Variants in OR1B1 observed in about 807,000 individuals in gnomAD.
The protein encoded by OR1B1 is olfactory receptor family 1 subfamily B member 1.
For synonymous variants in OR1B1, 168 were observed against 156.2 expected, an observed-to-expected ratio of 1.08 and a Z score of -0.57; for missense variants, 414 against 402.1, an observed-to-expected ratio of 1.03 and a Z score of -0.25.
At chr9:122,649,631 C>A in the OR1B1 span, among the ~76,000 whole-genome samples, 1 of 152,102 alleles carries the variant, frequency 6.6e-6, no homozygotes, top group African/African-American at 2.4e-5. Context: ...TTATGCAGCC[C>A]ACAAACATTT....
chr9:122,647,779 T>G, the OR1B1 span, among the ~76,000 whole-genome samples: 1 of 152,176 alleles, frequency 6.6e-6, no homozygotes, highest in Non-Finnish European at 1.5e-5. Flanking sequence ...AATTCACACC[T>G]GTACCCACTG....
the OR1B1 span, among the ~76,000 whole-genome samples, chr9:122,655,785 C>T: frequency 4.6e-5 from 7 of 151,578 alleles, no homozygotes; most frequent in African/African-American, 1.7e-4. Context: ...CCGTGGCGCA[C>T]CTTTACCTAT....
the OR1B1 span, among the ~76,000 whole-genome samples, chr9:122,648,652 T>G: frequency 3.3e-5 from 5 of 152,154 alleles, no homozygotes; most frequent in Non-Finnish European, 5.9e-5. Context: ...CATTCACAAT[T>G]GCTACAAAGA....
At chr9:122,655,191 A>T in the OR1B1 span, among the ~76,000 whole-genome samples, 4 of 148,824 alleles carry the variant, frequency 2.7e-5, no homozygotes, top group Non-Finnish European at 4.4e-5. Context: ...ATATCAAAAG[A>T]AAGAATGTGT....
upstream of OR1B1, among the ~76,000 whole-genome samples, chr9:122,630,988 G>A (rs543485099): frequency 6.6e-6 from 1 of 152,116 alleles, no homozygotes; most frequent in South Asian, 2.1e-4. Context: ...TTACAGGCAT[G>A]AGCCACCGTG....
the OR1B1 span, among the ~76,000 whole-genome samples, chr9:122,653,295 A>C: frequency 6.6e-6 from 1 of 152,220 alleles, no homozygotes; most frequent in South Asian, 2.1e-4. Flanking sequence ...GTACTATGAA[A>C]GGAAGTATAG....
chr9:122,628,786 G>A, exon 1 of OR1B1: 1 of 1,614,166 alleles, frequency 6.2e-7, no homozygotes, highest in Non-Finnish European at 8.5e-7. Flanking sequence ...CCATGGTGAG[G>A]TGGGATCCAC....
chr9:122,653,546 A>G, the OR1B1 span, among the ~76,000 whole-genome samples: 1 of 152,174 alleles, frequency 6.6e-6, no homozygotes, highest in East Asian at 1.9e-4. Flanking sequence ...GTATCCTTCA[A>G]CAGTAGGTAA....
At chr9:122,628,748 C>T (rs1830166489) in exon 1 of OR1B1, 1 of 1,614,086 alleles carries the variant, frequency 6.2e-7, no homozygotes, top group Non-Finnish European at 8.5e-7. Flanking sequence ...GAAGTAGACA[C>T]AAATGATGGT....
the OR1B1 span, among the ~76,000 whole-genome samples, chr9:122,657,491 G>A: frequency 6.6e-6 from 1 of 152,124 alleles, no homozygotes; most frequent in Non-Finnish European, 1.5e-5. Flanking sequence ...AGTAGATCAA[G>A]GGCTTTTAGA....
the OR1B1 span, among the ~76,000 whole-genome samples, chr9:122,653,203 T>C: frequency 6.6e-6 from 1 of 152,222 alleles, no homozygotes; most frequent in African/African-American, 2.4e-5. Flanking sequence ...ATGTAATATG[T>C]ATTATGTATT....
At chr9:122,653,786 T>G in the OR1B1 span, among the ~76,000 whole-genome samples, 1 of 152,188 alleles carries the variant, frequency 6.6e-6, no homozygotes, top group Non-Finnish European at 1.5e-5. Flanking sequence ...TTATTCAACC[T>G]GCTTACACTC....
chr9:122,651,530 A>G, the OR1B1 span, among the ~76,000 whole-genome samples: 1 of 151,950 alleles, frequency 6.6e-6, no homozygotes, highest in African/African-American at 2.4e-5. Flanking sequence ...TATGACATCC[A>G]CTTTTTTTTA....
upstream of OR1B1, among the ~76,000 whole-genome samples, chr9:122,632,398 A>G (rs1332853543): frequency 6.6e-6 from 1 of 152,198 alleles, no homozygotes; most frequent in African/African-American, 2.4e-5. Context: ...CAGTGGCTGA[A>G]GAGAGAAGTT....
chr9:122,638,651 G>A, the OR1B1 span, among the ~76,000 whole-genome samples: 1 of 152,114 alleles, frequency 6.6e-6, no homozygotes. Flanking sequence ...AAAAGAAAAG[G>A]TCACAATACT....
chr9:122,636,299 C>A, the OR1B1 span, among the ~76,000 whole-genome samples: 1 of 152,218 alleles, frequency 6.6e-6, no homozygotes, highest in Non-Finnish European at 1.5e-5. Context: ...TGTAGATACA[C>A]ACATGCATGC....
the OR1B1 span, among the ~76,000 whole-genome samples, chr9:122,654,760 C>T: frequency 1.3e-5 from 2 of 152,114 alleles, no homozygotes; most frequent in African/African-American, 4.8e-5. Context: ...GAAGTGAGAT[C>T]GTGCAGTATT....
At chr9:122,635,808 A>G in the OR1B1 span, among the ~76,000 whole-genome samples, 8 of 152,306 alleles carry the variant, frequency 5.3e-5, no homozygotes, top group South Asian at 1.0e-3. Flanking sequence ...TAAATTCCAT[A>G]CATAGACACT....
chr9:122,628,742 T>G, exon 1 of OR1B1: 1 of 1,613,996 alleles, frequency 6.2e-7, no homozygotes, highest in South Asian at 1.1e-5. Flanking sequence ...AGGCTGGAAG[T>G]AGACACAAAT....
Sources: allele counts gnomAD v4.1 joint callset (sites outside exome capture counted in the v4.1 genomes callset), GRCh38; gene constraint gnomAD v4.1.1; transcripts MANE v1.5; gene names NCBI Gene and HGNC (gene_info 2026-07-23, HGNC 2026-07-21).